The following MPPED1 variants were observed in gnomAD, a reference collection of about 807,000 sequenced individuals.
MPPED1 encodes the protein metallophosphoesterase domain-containing protein 1.
Under a neutral mutation model 36.2 loss-of-function variants are expected in MPPED1, and 16 were observed. That is an observed-to-expected ratio of 0.44 (90% CI 0.30 to 0.67). MPPED1 has a LOEUF of 0.67. Among genes scored for constraint, MPPED1 ranks in the 30% least tolerant of loss-of-function variants. MPPED1 has a pLI of 0.10. For synonymous variants in MPPED1, 199 were observed against 191.3 expected, an observed-to-expected ratio of 1.04 and a Z score of -0.33; for missense variants, 307 against 453.4, an observed-to-expected ratio of 0.68 and a Z score of 2.93.
At chr22:43,458,290 CTT>C (rs200720175) in intron 3 of MPPED1, among the ~76,000 whole-genome samples, 6 of 146,532 alleles carry the variant, frequency 4.1e-5, no homozygotes, top group East Asian at 2.0e-4. Context: ...ATTGTACTGT[CTT>C]TTTTTTTTTT....
At chr22:43,481,657 C>G (rs943442690) in intron 4 of MPPED1, among the ~76,000 whole-genome samples, 13 of 152,120 alleles carry the variant, frequency 8.5e-5, no homozygotes, top group Non-Finnish European at 1.5e-4. Flanking sequence ...GTCACCAGCT[C>G]CCTCCCCTCT....
chr22:43,496,606 GGT>G, intron 4 of MPPED1, among the ~76,000 whole-genome samples: 6 of 26,018 alleles, frequency 2.3e-4, no homozygotes, highest in Admixed American at 4.4e-4. Context: ...TGGTGGTGGA[GGT>G]AGTGGTGGTG....
chr22:43,495,946 G>C (rs1236103600), intron 4 of MPPED1, among the ~76,000 whole-genome samples: 8 of 147,252 alleles, frequency 5.4e-5, no homozygotes, highest in Admixed American at 4.7e-4. Context: ...TGGAGGTAGT[G>C]GTGGTGGAGG....
At position 43,506,629 on chromosome 22, in the gene MPPED1, C is replaced by A. The variant is rs1932821865; in HGVS notation, c.*1013C>A. ...TGGCATGCCTGCAGCCGAGGAAGCC[C>A]AGGACCAGCCGGCCCTGTGAATTGG... On this transcript the variant is annotated 3_prime_UTR_variant, in exon 7 of 7. Coordinates refer to ENST00000443721, the MANE Select transcript of MPPED1 (RefSeq NM_001044370.2). 1 of 152,234 alleles carries A rather than the reference C, an allele frequency of 6.6e-6. No individual in the cohort carries two copies. Among genetic ancestry groups the A allele is most frequent in the South Asian group, 2.1e-4 (1 of 4,830 alleles). 9.4% of individuals were successfully genotyped at this position (152,234 alleles called of 1,614,324 possible).
intron 1 of MPPED1, among the ~76,000 whole-genome samples, chr22:43,412,585 G>T (rs911656627): frequency 6.6e-6 from 1 of 152,156 alleles, no homozygotes; most frequent in Admixed American, 6.5e-5. Flanking sequence ...AAGAGATAGG[G>T]AACGAACGCT....
intron 4 of MPPED1, among the ~76,000 whole-genome samples, chr22:43,495,598 G>A (rs1297351898): frequency 1.4e-5 from 1 of 69,884 alleles, no homozygotes; most frequent in African/African-American, 3.6e-5. Flanking sequence ...TGGTGGAGGT[G>A]GTGATGGTGG....
At chr22:43,489,754 G>A (rs1317374768) in intron 4 of MPPED1, among the ~76,000 whole-genome samples, 3 of 152,140 alleles carry the variant, frequency 2.0e-5, no homozygotes. Context: ...CCTGACCTGA[G>A]GTGATCCACC....
intron 3 of MPPED1, among the ~76,000 whole-genome samples, chr22:43,441,167 A>T (rs1930135858): frequency 6.6e-6 from 1 of 152,112 alleles, no homozygotes. Context: ...TCCCAAACTG[A>T]ACTCCCAAAC....
At position 43,412,080 on chromosome 22, in the gene MPPED1, C is replaced by CT. The variant is rs1006931407; in HGVS notation, c.-156dup. ...GGAGCCCCCGCCCCTGCGCGCCTCC[C>CT]TCCCGGGAGCCCCTGCCTCCCTCGG... On this transcript the variant is annotated 5_prime_UTR_variant, in exon 1 of 7. Coordinates refer to ENST00000443721, the MANE Select transcript of MPPED1 (RefSeq NM_001044370.2). The CT allele has an allele frequency of 6.1e-6, 6 of 979,686 alleles. No individual in the cohort carries two copies. The African/African-American group carries it at 1.1e-4, about 17-fold the overall frequency. The allele number at this position is 979,686 out of a possible 1,614,324, so 60.7% of individuals were successfully genotyped here. A position where few individuals can be genotyped will look rare whatever the true frequency, so the allele number is the denominator to read the frequency against.
chr22:43,438,226 G>T (rs982610330), intron 3 of MPPED1, among the ~76,000 whole-genome samples: 11 of 152,210 alleles, frequency 7.2e-5, no homozygotes, highest in African/African-American at 2.7e-4. Context: ...GGGACGTGTG[G>T]TGATGGCCAT....
chr22:43,469,061 G>A (rs981594984), intron 3 of MPPED1, among the ~76,000 whole-genome samples: 6 of 152,114 alleles, frequency 3.9e-5, no homozygotes, highest in Admixed American at 2.6e-4. Context: ...AGGGGGTCAC[G>A]TTATGTTCTG....
At chr22:43,469,756 A>G (rs994918349) in intron 3 of MPPED1, among the ~76,000 whole-genome samples, 7 of 152,298 alleles carry the variant, frequency 4.6e-5, no homozygotes, top group African/African-American at 1.7e-4. Flanking sequence ...AAGGGGCGAC[A>G]CAGAGGTCAG....
chr22:43,422,104 C>T lies in MPPED1; in HGVS notation c.-78-2804C>T, dbSNP rs562482184. ...GACCCTGAAATGAAGGCCCCAGATC[C>T]AGGCCTCTCCGAGGAGACCCCGGCA... On this transcript the variant is annotated intron_variant, in intron 1 of 6. Transcript: ENST00000443721. Among the ~76,000 whole-genome samples, 247 of 152,254 alleles carry T rather than the reference C, an allele frequency of 1.6e-3. 1 individual carries two copies. Among genetic ancestry groups the T allele is most frequent in the Non-Finnish European group, 2.9e-3 (199 of 68,022 alleles).
chr22:43,446,606 G>C (rs950617017), intron 3 of MPPED1, among the ~76,000 whole-genome samples: 6 of 152,306 alleles, frequency 3.9e-5, no homozygotes, highest in African/African-American at 7.2e-5. Context: ...GGAAGAAACT[G>C]AGTCCAGATG....
intron 6 of MPPED1, among the ~76,000 whole-genome samples, chr22:43,504,015 C>G (rs534570630): frequency 6.6e-6 from 1 of 151,994 alleles, no homozygotes; most frequent in Non-Finnish European, 1.5e-5. Flanking sequence ...ATGAGGGAGG[C>G]AGAGAAAGTA....
chr22:43,477,649 G>A (rs536947171), intron 4 of MPPED1, among the ~76,000 whole-genome samples: 7 of 152,168 alleles, frequency 4.6e-5, no homozygotes, highest in Non-Finnish European at 1.0e-4. Flanking sequence ...AAGATGGGGA[G>A]GTGCAGGGCT....
intron 3 of MPPED1, among the ~76,000 whole-genome samples, chr22:43,453,986 C>G (rs1569075234): frequency 6.6e-6 from 1 of 152,008 alleles, no homozygotes; most frequent in East Asian, 1.9e-4. Flanking sequence ...ATTCTACTTT[C>G]TTTTTTAAAA....
chr22:43,488,824 G>C (rs1304512223), intron 4 of MPPED1, among the ~76,000 whole-genome samples: 1 of 152,216 alleles, frequency 6.6e-6, no homozygotes, highest in Non-Finnish European at 1.5e-5. Flanking sequence ...GCGGGAATTC[G>C]CATCCGTCCG....
chr22:43,444,946 G>T (rs1930285519), intron 3 of MPPED1, among the ~76,000 whole-genome samples: 1 of 152,086 alleles, frequency 6.6e-6, no homozygotes, highest in Non-Finnish European at 1.5e-5. Context: ...AAAAGCCAGG[G>T]TTGAAAAAAA....
Sources: allele counts gnomAD v4.1 joint callset (sites outside exome capture counted in the v4.1 genomes callset), GRCh38; gene constraint gnomAD v4.1.1; transcripts MANE v1.5; gene names NCBI Gene and HGNC (gene_info 2026-07-23, HGNC 2026-07-21).